ZFYVE28: variants seen among roughly 807,000 people sequenced by gnomAD.
The protein encoded by ZFYVE28 is lateral signaling target protein 2 homolog.
A neutral mutation model predicts 82.1 loss-of-function variants in ZFYVE28; 40 were observed. The ratio of observed to expected loss-of-function variants is 0.49; its 90% CI spans 0.38 to 0.63. The LOEUF (loss-of-function observed/expected upper bound fraction) is 0.63, where lower values mean the gene tolerates loss of function less well. Ranked by LOEUF, ZFYVE28 falls within the 30% of genes least tolerant of loss-of-function variation. The pLI, the probability that ZFYVE28 is intolerant of heterozygous loss-of-function variation, is 0.00. For synonymous variants in ZFYVE28, 612 were observed against 546.1 expected, an observed-to-expected ratio of 1.12 and a Z score of -1.68; for missense variants, 1,321 against 1,242.1, an observed-to-expected ratio of 1.06 and a Z score of -0.96.
At chr4:2,343,951 G>A (rs542273013) in intron 2 of ZFYVE28, among the ~76,000 whole-genome samples, 2 of 152,288 alleles carry the variant, frequency 1.3e-5, no homozygotes, top group Non-Finnish European at 2.9e-5. Context: ...GACTTCTAAC[G>A]CCAGCCAAGA....
At position 2,304,989 on chromosome 4, in the gene ZFYVE28, C is replaced by A. The variant is rs771744807; in HGVS notation, c.1351G>T (p.Ala451Ser). The A allele has an allele frequency of 6.2e-7, 1 of 1,612,708 alleles. No individual in the cohort carries two copies. The highest frequency in any genetic ancestry group is 8.5e-7 in the Non-Finnish European group (1 of 1,179,868). The change falls in exon 8 of 13, where the codon GCC becomes TCC. Residue 451 changes from alanine to serine, a missense_variant. Around this residue, in one of 2 missense-constraint regions of ZFYVE28, gnomAD observed 978 missense variants for 833.7 expected, o/e 1.17. Coordinates refer to ENST00000290974, the MANE Select transcript of ZFYVE28 (RefSeq NM_020972.3). Reference sequence around the variant, plus strand: ...CTCAAGTCCTCCTCCTTTTCCGAGGCGGGCAAGCTGATCCCCGCCGCTCCG... The same window carrying A: ...CTCAAGTCCTCCTCCTTTTCCGAGGAGGGCAAGCTGATCCCCGCCGCTCCG... ...PGGAAGISLP[A>S]SEKEEDLSNN...
At chr4:2,271,876 A>G in intron 10 of ZFYVE28, 97 bp from the exon 11 acceptor site, 1 of 1,158,708 alleles carries the variant, frequency 8.6e-7, no homozygotes, top group Admixed American at 1.8e-5. Context: ...GGCTTCCAGC[A>G]GTCGGTCAGC....
Position 2,327,251 on chromosome 4 carries a change from AATATATATATATATATAT to A in ZFYVE28, c.702-6998_702-6981del, listed in dbSNP as rs67940269. 8.7e-3 allele frequency among the ~76,000 whole-genome samples: 755 copies of A among 87,218 alleles called. 14 individuals carry two copies. Among genetic ancestry groups the A allele is most frequent in the Non-Finnish European group, 0.012 (549 of 46,418 alleles). 57.2% of individuals were successfully genotyped at this position (87,218 alleles called of 152,430 possible). On this transcript the variant is annotated intron_variant, in intron 6 of 12. Transcript: ENST00000290974. Reference sequence around the variant, plus strand: ...GGTGACGGAGCAAGACTCCATCTCAAATATATATATATATATATATATATATATATATATATATATATA... The same window carrying A: ...GGTGACGGAGCAAGACTCCATCTCAAATATATATATATATATATATATATA...
chr4:2,297,868 A>G (rs1378983954), intron 8 of ZFYVE28, among the ~76,000 whole-genome samples: 1 of 148,240 alleles, frequency 6.7e-6, no homozygotes, highest in Admixed American at 6.7e-5. Flanking sequence ...TGCTGGGAGG[A>G]ACGGCAGAGG....
chr4:2,397,578 T>C (rs1578379293), intron 1 of ZFYVE28, among the ~76,000 whole-genome samples: 1 of 150,916 alleles, frequency 6.6e-6, no homozygotes, highest in South Asian at 2.1e-4. Flanking sequence ...CATTAAACAC[T>C]CACGCCCGCT....
At chr4:2,368,141 G>C (rs985269293) in intron 1 of ZFYVE28, among the ~76,000 whole-genome samples, 14 of 145,938 alleles carry the variant, frequency 9.6e-5, no homozygotes, top group African/African-American at 3.5e-4. Flanking sequence ...GCTTTGGGAG[G>C]CTGAGGTGGG....
intron 6 of ZFYVE28, chr4:2,324,539 A>T (rs1169349400): frequency 5.4e-6 from 1 of 183,944 alleles, no homozygotes; most frequent in African/African-American, 2.4e-5. Flanking sequence ...GGTAACATTC[A>T]ACTGATCTTC....
chr4:2,322,435 G>A (rs1018984420), intron 6 of ZFYVE28, among the ~76,000 whole-genome samples: 2 of 151,760 alleles, frequency 1.3e-5, no homozygotes, highest in African/African-American at 4.8e-5. Context: ...CCACTGGTGA[G>A]CCTGGCAGGC....
chr4:2,336,745 G>C (rs1317607700), intron 5 of ZFYVE28, among the ~76,000 whole-genome samples: 1 of 136,636 alleles, frequency 7.3e-6, no homozygotes, highest in Non-Finnish European at 1.6e-5. Flanking sequence ...GAGTAAGGAG[G>C]TGAGGAATGA....
intron 1 of ZFYVE28, among the ~76,000 whole-genome samples, chr4:2,364,251 G>A (rs997808072): frequency 6.6e-6 from 1 of 152,186 alleles, no homozygotes; most frequent in African/African-American, 2.4e-5. Flanking sequence ...GCAGACCAGG[G>A]CTCGGTGCTG....
chr4:2,335,827 G>A lies in ZFYVE28; in HGVS notation c.612-33C>T. 1.3e-6 allele frequency: 2 copies of A among 1,537,866 alleles called. No homozygotes were observed. The highest frequency in any genetic ancestry group is 2.4e-5 in the East Asian group (1 of 40,996). On this transcript the variant is annotated intron_variant, in intron 5 of 12. Transcript: ENST00000290974. The surrounding 1 kb of genome is among the most constrained non-coding windows in gnomAD (Gnocchi z 5.8). Reference sequence around the variant, plus strand: ...GGGAGACGGACAGTGAGCAGCATGAGGGCTGGCCCACCACAGCCACAGGTT... The same window carrying A: ...GGGAGACGGACAGTGAGCAGCATGAAGGCTGGCCCACCACAGCCACAGGTT...
At chr4:2,399,130 T>TATGGCACAAGGAG (rs1553865445) in intron 1 of ZFYVE28, among the ~76,000 whole-genome samples, 1 of 104,652 alleles carries the variant, frequency 9.6e-6, no homozygotes, top group Non-Finnish European at 1.9e-5. Context: ...GGGCACAAGC[T>TATGGCACAAGGAG]GGGTGGTGAG....
At chr4:2,276,993 TA>T (rs1048211576) in intron 8 of ZFYVE28, among the ~76,000 whole-genome samples, 176 of 147,706 alleles carry the variant, frequency 1.2e-3, no homozygotes, top group African/African-American at 2.8e-3. Flanking sequence ...ATTAAAAATA[TA>T]AAAAAAAAAG....
At chr4:2,385,015 C>G (rs139921581) in intron 1 of ZFYVE28, among the ~76,000 whole-genome samples, 1 of 152,288 alleles carries the variant, frequency 6.6e-6, no homozygotes, top group Non-Finnish European at 1.5e-5. Flanking sequence ...AAGTGATAAA[C>G]AGAGTTTGTA....
chr4:2,310,869 G>A (rs894401167), intron 7 of ZFYVE28, among the ~76,000 whole-genome samples: 3 of 152,022 alleles, frequency 2.0e-5, no homozygotes. Context: ...TATAAGATTT[G>A]TGTTATTTCT....
intron 1 of ZFYVE28, among the ~76,000 whole-genome samples, chr4:2,366,747 G>A (rs191564148): frequency 2.0e-5 from 3 of 152,332 alleles, no homozygotes; most frequent in African/African-American, 7.2e-5. Context: ...ACCCACAGAA[G>A]GAGATGCTCC....
intron 8 of ZFYVE28, among the ~76,000 whole-genome samples, chr4:2,274,470 C>T (rs1736215922): frequency 6.6e-6 from 1 of 152,152 alleles, no homozygotes; most frequent in Non-Finnish European, 1.5e-5. Context: ...GCTGGGCCTC[C>T]TGGAATTGAC....
At chr4:2,282,362 C>T (rs1323849819) in intron 8 of ZFYVE28, among the ~76,000 whole-genome samples, 5 of 152,248 alleles carry the variant, frequency 3.3e-5, no homozygotes, top group Admixed American at 2.0e-4. Flanking sequence ...GTGTCTTCAG[C>T]TGTGTCACAG....
intron 1 of ZFYVE28, among the ~76,000 whole-genome samples, chr4:2,392,795 G>A (rs1270008803): frequency 6.6e-6 from 1 of 152,108 alleles, no homozygotes; most frequent in Non-Finnish European, 1.5e-5. Flanking sequence ...CCACCTCCCA[G>A]CTCTTCCCAT....
Sources: allele counts gnomAD v4.1 joint callset (sites outside exome capture counted in the v4.1 genomes callset), GRCh38; gene constraint gnomAD v4.1.1; regional missense constraint gnomAD v4.1.1; non-coding constraint Gnocchi (gnomAD v3.1); transcripts MANE v1.5; gene names NCBI Gene and HGNC (gene_info 2026-07-23, HGNC 2026-07-21).